The following DNAH17 variants were observed in gnomAD, a reference collection of about 807,000 sequenced individuals.
DNAH17 encodes the protein dynein axonemal heavy chain 17, also known as axonemal beta dynein heavy chain 17.
Under a neutral mutation model 485.6 loss-of-function variants are expected in DNAH17, and 376 were observed. The observed-to-expected ratio is 0.77, with a 90% CI of 0.71 to 0.84. The LOEUF is 0.84. Ranked by LOEUF, DNAH17 falls within the 40% of genes least tolerant of loss-of-function variation. DNAH17 has a pLI of 0.00. For synonymous variants in DNAH17, 3,031 were observed against 2,405.9 expected (o/e 1.26, Z -7.60); for missense variants, 6,370 against 5,839.3 (o/e 1.09, Z -2.96).
At chr17:78,549,643 G>A (rs1723813122) in intron 16 of DNAH17, among the ~76,000 whole-genome samples, 1 of 152,226 alleles carries the variant, frequency 6.6e-6, no homozygotes, top group African/African-American at 2.4e-5. Flanking sequence ...CTCAGGTAAA[G>A]GGGGGTTTAT....
Position 78,463,730 on chromosome 17 carries a change from T to C in DNAH17, c.8941-653A>G, listed in dbSNP as rs143800598. Among the ~76,000 whole-genome samples the C allele has an allele frequency of 3.8e-3, 572 of 152,368 alleles. 5 individuals are homozygous for C. The highest frequency in any genetic ancestry group is 0.031 in the East Asian group (159 of 5,190). ...GCTGGGTCCTGGGATTTAGAACTTCTTTCCCCAGCCCTCTGGGCCTGCCCA... is the reference window on the plus strand; with the variant it reads ...GCTGGGTCCTGGGATTTAGAACTTCCTTCCCCAGCCCTCTGGGCCTGCCCA... On this transcript the variant is annotated intron_variant, in intron 56 of 80. Transcript: ENST00000389840.
At chr17:78,552,520 T>TC (rs1304177370) in intron 15 of DNAH17, among the ~76,000 whole-genome samples, 177 bp downstream of exon 15, 7 of 151,734 alleles carry the variant, frequency 4.6e-5, no homozygotes, top group Admixed American at 1.3e-4. Flanking sequence ...GGCTTTTTTT[T>TC]TTTTTTTTTG....
At position 78,543,868 on chromosome 17, in the gene DNAH17, C is replaced by G. The variant is rs780520135; in HGVS notation, c.2521G>C (p.Ala841Pro). ...AVRDAGVKIQ[A>P]MVAENAELFR... is the part of the protein sequence containing the mutation. ...GGGTGTTTCCTTACTGCAACCATGG[C>G]TTGGATCTTCACTCCAGCATCCCTG... The change falls in exon 17 of 81, where the codon GCC becomes CCC. Residue 841 changes from alanine (A) to proline (P), a missense_variant. Ala to Pro is a conservative substitution (Grantham distance 27, BLOSUM62 -1). Coordinates refer to ENST00000389840, the MANE Select transcript of DNAH17 (RefSeq NM_173628.4). The G allele has an allele frequency of 3.1e-6, 5 of 1,613,920 alleles. No individual in the cohort carries two copies. Among genetic ancestry groups the G allele is most frequent in the Admixed American group, 1.7e-5 (1 of 59,998 alleles).
At chr17:78,471,960 C>T (rs1329943161) in intron 54 of DNAH17, among the ~76,000 whole-genome samples, 9 of 152,128 alleles carry the variant, frequency 5.9e-5, no homozygotes, top group Non-Finnish European at 1.2e-4. Flanking sequence ...GGGCAGTTCT[C>T]CCCCACCCTC....
rs1448180513 is a variant in DNAH17, at chr17:78,435,466, C to T, written c.12034-1246G>A. 6.6e-5 allele frequency among the ~76,000 whole-genome samples: 10 copies of T among 152,264 alleles called. No individual in the cohort carries two copies. The East Asian group carries it at 1.7e-3, about 26-fold the overall frequency. The stretch of plus-strand genomic sequence containing the variant: ...CCTTACCCACAGGTCTCAGCTGTCA[C>T]TCCCTGGCTACCCACCTCCCCAACC... On this transcript the variant is annotated intron_variant, in intron 74 of 80. Coordinates refer to ENST00000389840, the MANE Select transcript of DNAH17 (RefSeq NM_173628.4).
At chr17:78,452,782 A>G (rs1009958770) in intron 65 of DNAH17, among the ~76,000 whole-genome samples, 1 of 152,160 alleles carries the variant, frequency 6.6e-6, no homozygotes, top group Non-Finnish European at 1.5e-5. Flanking sequence ...CAGACACAAA[A>G]AGACACATGT....
chr17:78,463,510 A>G (rs918052944), intron 56 of DNAH17, among the ~76,000 whole-genome samples: 4 of 152,186 alleles, frequency 2.6e-5, no homozygotes, highest in African/African-American at 9.6e-5. Flanking sequence ...GTGCATATGC[A>G]TTCACATACC....
chr17:78,560,860 G>C lies in DNAH17; in HGVS notation c.1911C>G (p.Arg637=), dbSNP rs769472136. Residue 637 remains arginine, a synonymous_variant, in exon 13 of 81, where the codon CGC becomes CGG. Coordinates refer to ENST00000389840, the MANE Select transcript of DNAH17 (RefSeq NM_173628.4). Reference sequence around the variant, plus strand: ...CCACCCACTGCTGGTAGATCTTCTCGCGGTGGCACCTCAGCAGCTCCATCA... The same window carrying C: ...CCACCCACTGCTGGTAGATCTTCTCCCGGTGGCACCTCAGCAGCTCCATCA... The part of the protein sequence containing the change: ...DEMMELLRCH[R]EKIYQQWVAG... 46 of 1,551,762 alleles carry C rather than the reference G, an allele frequency of 3.0e-5. No homozygotes were observed. Among genetic ancestry groups the C allele is most frequent in the Non-Finnish European group, 3.9e-5 (45 of 1,147,122 alleles).
chr17:78,522,666 G>T (rs2090963226), intron 25 of DNAH17: 1 of 212,120 alleles, frequency 4.7e-6, no homozygotes, highest in Non-Finnish European at 9.8e-6. Context: ...CTTCCTGAAT[G>T]CTGAGCATGC....
rs1384285884 is a variant in DNAH17 at position 78,569,166 on chromosome 17, C to T, written c.1284G>A (p.Glu428=). 1 of 1,597,290 alleles carries T rather than the reference C, an allele frequency of 6.3e-7. No homozygotes were observed. The change falls in exon 9 of 81, where the codon GAG becomes GAA. Residue 428 remains glutamate (E), a splice_region_variant and synonymous_variant. Coordinates refer to ENST00000389840, the MANE Select transcript of DNAH17 (RefSeq NM_173628.4). ...NSFFQRIQTI[E]ELYKTAIEFL... ...AAGATGCACCGAGTTCTGTTTTTAC[C>T]TCAATGGTCTGGATGCGCTGGAAGA...
intron 56 of DNAH17, among the ~76,000 whole-genome samples, chr17:78,465,237 T>C (rs1403876369): frequency 1.3e-5 from 2 of 152,148 alleles, no homozygotes; most frequent in Non-Finnish European, 2.9e-5. Context: ...CAGTGCTCAA[T>C]GGTGCCCAGG....
intron 56 of DNAH17, among the ~76,000 whole-genome samples, chr17:78,463,408 A>G (rs2146542067): frequency 6.7e-6 from 1 of 150,226 alleles, no homozygotes; most frequent in East Asian, 1.9e-4. Flanking sequence ...GTGCACACGC[A>G]TTCACATACC....
rs549518309 is a variant in DNAH17 at position 78,526,282 on chromosome 17, G to A, written c.3711+369C>T. Among the ~76,000 whole-genome samples the A allele has an allele frequency of 4.6e-5, 7 of 152,320 alleles. No individual in the cohort carries two copies. In the East Asian group the frequency reaches 1.4e-3, roughly 29 times the overall value. On this transcript the variant is annotated intron_variant, in intron 24 of 80. Transcript: ENST00000389840. ...GGGAGAGATGGCAGGTGAGTATTAA[G>A]CCCAGGGGACAGGAAGCTGCTGAAT... is the stretch of plus-strand genomic sequence containing the variant.
rs1395945667 is a variant in DNAH17, at chr17:78,532,603, A to C, written c.2993T>G (p.Leu998Arg). ...CAGGAAATTCTTCATAAACTCCTGC[A>C]GGTTGTCCGTCCAGAGGTAGGAGTA... The part of the protein sequence containing the change: ...ERYSYLWTDN[L>R]QEFMKNFLIY... Residue 998 changes from leucine to arginine, a missense_variant, in exon 20 of 81, where the codon CTG becomes CGG. By Grantham distance (102) the Leu-to-Arg change is moderately radical. Transcript: ENST00000389840. The C allele has an allele frequency of 5.6e-6, 9 of 1,607,602 alleles. No homozygotes were observed. Among genetic ancestry groups the C allele is most frequent in the Non-Finnish European group, 6.8e-6 (8 of 1,176,878 alleles).
At chr17:78,468,563 G>T (rs2088595824) in intron 55 of DNAH17, 54 bp downstream of exon 55, 1 of 1,568,632 alleles carries the variant, frequency 6.4e-7, no homozygotes. Flanking sequence ...ATACCCTGTA[G>T]GCCACGGGCA....
At chr17:78,427,149 G>T in intron 77 of DNAH17, 41 bp from the exon 78 acceptor site, 1 of 1,549,404 alleles carries the variant, frequency 6.5e-7, no homozygotes, top group Non-Finnish European at 8.7e-7. Flanking sequence ...ACTGCAAAGA[G>T]CCCACCCCAC....
chr17:78,438,050 AG>A (rs1598447459), intron 73 of DNAH17, among the ~76,000 whole-genome samples, 182 bp from the exon 74 acceptor site: 1 of 152,208 alleles, frequency 6.6e-6, no homozygotes, highest in East Asian at 1.9e-4. Flanking sequence ...TGGGCATGCC[AG>A]GATGTCTTCG....
chr17:78,429,357 G>C, intron 75 of DNAH17, 57 bp from the exon 76 acceptor site: 1 of 1,563,750 alleles, frequency 6.4e-7, no homozygotes, highest in South Asian at 1.1e-5. Context: ...TCTCTGCCAT[G>C]AGAGGGTCAG....
chr17:78,434,326 G>A (rs993385572), intron 74 of DNAH17, 106 bp from the exon 75 acceptor site: 2 of 1,029,336 alleles, frequency 1.9e-6, no homozygotes, highest in Non-Finnish European at 2.8e-6. Flanking sequence ...CTTTGCTAGG[G>A]TGGGGGCGGT....
Sources: allele counts gnomAD v4.1 joint callset (sites outside exome capture counted in the v4.1 genomes callset), GRCh38; gene constraint gnomAD v4.1.1; transcripts MANE v1.5; gene names NCBI Gene and HGNC (gene_info 2026-07-23, HGNC 2026-07-21).